Variants in CPNE8 observed in about 807,000 individuals in gnomAD.
CPNE8 encodes the protein copine 8.
Under a neutral mutation model 81.5 loss-of-function variants are expected in CPNE8, and 45 were observed. The observed-to-expected ratio is 0.55, with a 90% confidence interval of 0.44 to 0.71. CPNE8 has a LOEUF of 0.71. Among genes scored for constraint, CPNE8 ranks in the 30% least tolerant of loss-of-function variants. CPNE8 has a pLI of 0.00. For missense variants in CPNE8, 594 were observed against 672.1 expected (o/e 0.88, Z 1.28); for synonymous variants, 252 against 226.3 (o/e 1.11, Z -1.02).
At chr12:38,834,305 C>T (rs916251816) in intron 5 of CPNE8, among the ~76,000 whole-genome samples, 1 of 152,078 alleles carries the variant, frequency 6.6e-6, no homozygotes, top group African/African-American at 2.4e-5. Flanking sequence ...CATTTGGATG[C>T]TTACTGGGGG....
chr12:38,674,071 C>T (rs1939236565), intron 18 of CPNE8, among the ~76,000 whole-genome samples: 1 of 152,052 alleles, frequency 6.6e-6, no homozygotes, highest in South Asian at 2.1e-4. Flanking sequence ...TTCAGGACCT[C>T]ACAGAGAGAA....
intron 6 of CPNE8, among the ~76,000 whole-genome samples, chr12:38,815,749 C>A (rs1943013881): frequency 1.3e-5 from 2 of 152,098 alleles, no homozygotes; most frequent in African/African-American, 4.8e-5. Context: ...TAAATGGGAT[C>A]TCATTTTATA....
rs374095505 is a variant in CPNE8, at chr12:38,735,535, C to T, written c.723-5177G>A. 2.6e-5 allele frequency among the ~76,000 whole-genome samples: 4 copies of T among 152,098 alleles called. No individual in the cohort carries two copies. The South Asian group carries it at 8.3e-4, about 32-fold the overall frequency. ...TCTCTGATTTTGCTAACTTTCTTTG[C>T]TTTTGTTGTAGGCATAGTGTTTGAC... On this transcript the variant is annotated intron_variant, in intron 10 of 19. Transcript: ENST00000331366.
intron 6 of CPNE8, among the ~76,000 whole-genome samples, chr12:38,808,425 T>TA (rs920576062): frequency 2.0e-5 from 3 of 151,766 alleles, no homozygotes; most frequent in African/African-American, 2.4e-5. Context: ...TATGCAGCCA[T>TA]AAAAAATGAT....
At chr12:38,798,403 T>A (rs1029390633) in intron 6 of CPNE8, among the ~76,000 whole-genome samples, 4 of 152,084 alleles carry the variant, frequency 2.6e-5, no homozygotes, top group African/African-American at 9.7e-5. Flanking sequence ...TTCAACTTTC[T>A]TAAAGAAAAG....
chr12:38,679,504 G>T, intron 16 of CPNE8: 1 of 681,958 alleles, frequency 1.5e-6, no homozygotes. Context: ...AACCATTAAA[G>T]CTGTAGAAAG....
chr12:38,679,051 TA>T (rs1939354719), intron 16 of CPNE8, among the ~76,000 whole-genome samples: 1 of 151,920 alleles, frequency 6.6e-6, no homozygotes, highest in Non-Finnish European at 1.5e-5. Context: ...AAATATCCAT[TA>T]TTTTTTAAGA....
At chr12:38,772,949 A>T (rs977044806) in intron 7 of CPNE8, among the ~76,000 whole-genome samples, 2 of 152,124 alleles carry the variant, frequency 1.3e-5, no homozygotes, top group Non-Finnish European at 2.9e-5. Context: ...ACACACATAT[A>T]TATGTAAAAC....
At chr12:38,700,119 G>C (rs1939903144) in intron 14 of CPNE8, among the ~76,000 whole-genome samples, 1 of 152,066 alleles carries the variant, frequency 6.6e-6, no homozygotes, top group South Asian at 2.1e-4. Context: ...GAAGAGGTGG[G>C]AGCATACATT....
At chr12:38,827,154 G>A (rs1592123280) in intron 6 of CPNE8, among the ~76,000 whole-genome samples, 2 of 133,354 alleles carry the variant, frequency 1.5e-5, no homozygotes, top group Admixed American at 7.9e-5. Context: ...ACAACAAAGG[G>A]AGACTCCGTC....
intron 8 of CPNE8, among the ~76,000 whole-genome samples, chr12:38,762,634 G>A (rs1941595863): frequency 6.6e-6 from 1 of 152,162 alleles, no homozygotes; most frequent in Admixed American, 6.5e-5. Flanking sequence ...GAGGCACAGT[G>A]TGTGAACTTT....
At chr12:38,741,455 T>G (rs941221067) in intron 10 of CPNE8, among the ~76,000 whole-genome samples, 12 of 152,140 alleles carry the variant, frequency 7.9e-5, no homozygotes, top group Admixed American at 6.6e-5. Flanking sequence ...TTAATAAATG[T>G]TGCTGGGAAA....
intron 10 of CPNE8, among the ~76,000 whole-genome samples, chr12:38,760,461 A>G (rs917156602): frequency 3.4e-4 from 40 of 117,940 alleles, no homozygotes; most frequent in African/African-American, 9.3e-4. Context: ...ATGTGTGTGT[A>G]TATAGGCAGA....
At chr12:38,693,901 T>C (rs947359460) in intron 14 of CPNE8, 63 bp from the exon 15 acceptor site, 2 of 1,338,458 alleles carry the variant, frequency 1.5e-6, no homozygotes, top group Non-Finnish European at 2.0e-6. Context: ...ACAAAATTTT[T>C]CTTGGTGTCT....
intron 3 of CPNE8, among the ~76,000 whole-genome samples, chr12:38,864,041 G>A (rs1199071709): frequency 2.1e-5 from 3 of 143,952 alleles, no homozygotes; most frequent in Non-Finnish European, 3.0e-5. Flanking sequence ...ACGACAGAGC[G>A]AGACTTCATC....
chr12:38,788,417 C>CA (rs1229701648), intron 6 of CPNE8, among the ~76,000 whole-genome samples: 1 of 151,444 alleles, frequency 6.6e-6, no homozygotes, highest in Non-Finnish European at 1.5e-5. Flanking sequence ...ATCTCTTCAT[C>CA]AAAAAAACCT....
intron 19 of CPNE8, among the ~76,000 whole-genome samples, chr12:38,660,650 A>G (rs943864953): frequency 6.6e-6 from 1 of 152,208 alleles, no homozygotes; most frequent in African/African-American, 2.4e-5. Flanking sequence ...TCTGCACAGC[A>G]AAAGACTACC....
intron 7 of CPNE8, among the ~76,000 whole-genome samples, chr12:38,774,493 G>A (rs914265318): frequency 6.6e-5 from 10 of 151,854 alleles, no homozygotes; most frequent in African/African-American, 1.5e-4. Flanking sequence ...AGGTAATATC[G>A]CTGCATTTAA....
intron 18 of CPNE8, among the ~76,000 whole-genome samples, chr12:38,672,465 A>G (rs1032999817): frequency 6.6e-6 from 1 of 152,148 alleles, no homozygotes; most frequent in African/African-American, 2.4e-5. Context: ...TGTGCAGACC[A>G]TCTGGTCCTC....
Sources: allele counts gnomAD v4.1 joint callset (sites outside exome capture counted in the v4.1 genomes callset), GRCh38; gene constraint gnomAD v4.1.1; transcripts MANE v1.5; gene names NCBI Gene and HGNC (gene_info 2026-07-23, HGNC 2026-07-21).